CSMD1: variants seen among roughly 807,000 people sequenced by gnomAD.
CSMD1 encodes CUB and sushi domain-containing protein 1.
A neutral mutation model predicts 417.5 loss-of-function variants in CSMD1; 213 were observed. That is an observed-to-expected ratio of 0.51 (90% CI 0.46 to 0.57). The LOEUF (loss-of-function observed/expected upper bound fraction) is 0.57, where lower values mean the gene tolerates loss of function less well. Among genes scored for constraint, CSMD1 ranks in the 20% least tolerant of loss-of-function variants. The pLI is 0.00. For synonymous variants in CSMD1, 2,862 were observed against 1,736.8 expected, an observed-to-expected ratio of 1.65 and a Z score of -16.11; for missense variants, 6,923 against 4,529.7, an observed-to-expected ratio of 1.53 and a Z score of -15.17.
intron 2 of CSMD1, among the ~76,000 whole-genome samples, chr8:4,632,138 G>A (rs549642568): frequency 6.6e-6 from 1 of 152,326 alleles, no homozygotes; most frequent in African/African-American, 2.4e-5. Context: ...TTAGGAGAGA[G>A]TTACATTAAG....
At chr8:4,594,889 A>C (rs1800173984) in intron 2 of CSMD1, among the ~76,000 whole-genome samples, 1 of 152,150 alleles carries the variant, frequency 6.6e-6, no homozygotes, top group Non-Finnish European at 1.5e-5. Flanking sequence ...TGACTCTGTA[A>C]AAGGAATGTG....
chr8:4,346,537 A>G (rs1016238016), intron 3 of CSMD1, among the ~76,000 whole-genome samples: 2 of 152,130 alleles, frequency 1.3e-5, no homozygotes, highest in South Asian at 4.1e-4. Flanking sequence ...CAGTTACAGA[A>G]AACTTTCAGT....
intron 3 of CSMD1, among the ~76,000 whole-genome samples, chr8:4,154,440 A>C (rs1424385455): frequency 6.6e-6 from 1 of 152,178 alleles, no homozygotes; most frequent in Non-Finnish European, 1.5e-5. Flanking sequence ...TATTGCCTCA[A>C]AGAGCTGAAA....
chr8:3,252,114 G>T (rs914934001), intron 26 of CSMD1, among the ~76,000 whole-genome samples: 1 of 152,220 alleles, frequency 6.6e-6, no homozygotes, highest in Non-Finnish European at 1.5e-5. Flanking sequence ...TAGTAGTGGT[G>T]AGAGAGCGCA....
At chr8:3,272,415 C>T (rs1801935715) in intron 26 of CSMD1, among the ~76,000 whole-genome samples, 1 of 151,022 alleles carries the variant, frequency 6.6e-6, no homozygotes, top group Admixed American at 6.6e-5. Flanking sequence ...GCAATGTGGG[C>T]TCCTTTTTGG....
At chr8:4,194,846 C>T (rs988749195) in intron 3 of CSMD1, among the ~76,000 whole-genome samples, 11 of 152,006 alleles carry the variant, frequency 7.2e-5, no homozygotes, top group African/African-American at 2.4e-4. Flanking sequence ...GTTTCAGGAT[C>T]TCCCACTGTA....
intron 11 of CSMD1, among the ~76,000 whole-genome samples, chr8:3,493,262 G>T (rs7845366): frequency 7.1e-6 from 1 of 140,978 alleles, no homozygotes; most frequent in Admixed American, 7.4e-5. Flanking sequence ...CCACTGCACT[G>T]CAGCCTGGGT....
intron 21 of CSMD1, among the ~76,000 whole-genome samples, chr8:3,354,857 CTATA>C (rs1289490649): frequency 3.9e-4 from 23 of 58,324 alleles, no homozygotes; most frequent in African/African-American, 1.4e-3. Context: ...AACCCTCTCC[CTATA>C]TATAGATATA....
At chr8:4,458,933 G>A (rs967576648) in intron 2 of CSMD1, among the ~76,000 whole-genome samples, 4 of 152,210 alleles carry the variant, frequency 2.6e-5, no homozygotes, top group African/African-American at 7.2e-5. Flanking sequence ...TTCTGGAAGT[G>A]CATTAAGCTT....
At chr8:3,717,475 G>A (rs1160845945) in intron 6 of CSMD1, among the ~76,000 whole-genome samples, 1 of 152,040 alleles carries the variant, frequency 6.6e-6, no homozygotes, top group Admixed American at 6.5e-5. Flanking sequence ...AGATATTGTT[G>A]TAGGACGTTC....
chr8:3,933,831 A>G (rs1181193797), intron 5 of CSMD1, among the ~76,000 whole-genome samples: 7 of 152,192 alleles, frequency 4.6e-5, no homozygotes, highest in Non-Finnish European at 1.0e-4. Flanking sequence ...TTAGTCCAAC[A>G]TGGACATACT....
chr8:4,833,203 T>C (rs948828654), intron 1 of CSMD1, among the ~76,000 whole-genome samples: 2 of 152,198 alleles, frequency 1.3e-5, no homozygotes, highest in Non-Finnish European at 1.5e-5. Flanking sequence ...CTGGGTAATT[T>C]ATAAAGAAAA....
At chr8:4,716,826 G>C (rs933336427) in intron 1 of CSMD1, among the ~76,000 whole-genome samples, 2 of 152,012 alleles carry the variant, frequency 1.3e-5, no homozygotes, top group Non-Finnish European at 2.9e-5. Context: ...ACATCTCTTA[G>C]CAACTAATGA....
intron 7 of CSMD1, among the ~76,000 whole-genome samples, chr8:3,699,102 T>C (rs115460324): frequency 0.014 from 2,062 of 152,328 alleles, 44 homozygotes; most frequent in African/African-American, 0.047. Context: ...ATGACCTTCC[T>C]AAAAGCAAGC....
At chr8:4,933,404 G>A (rs978993953) in intron 1 of CSMD1, among the ~76,000 whole-genome samples, 2 of 152,070 alleles carry the variant, frequency 1.3e-5, no homozygotes, top group Non-Finnish European at 2.9e-5. Context: ...ACCTTATGGG[G>A]AAAAAAGTCA....
At chr8:4,072,413 C>T (rs1439864690) in intron 3 of CSMD1, among the ~76,000 whole-genome samples, 2 of 152,148 alleles carry the variant, frequency 1.3e-5, no homozygotes, top group Non-Finnish European at 2.9e-5. Context: ...AAGCATTTTA[C>T]ACCATTATAT....
intron 18 of CSMD1, among the ~76,000 whole-genome samples, chr8:3,379,266 A>T (rs1214085032): frequency 6.6e-6 from 1 of 152,200 alleles, no homozygotes; most frequent in African/African-American, 2.4e-5. Context: ...ACAAATAAAA[A>T]AACATTCCAT....
intron 5 of CSMD1, among the ~76,000 whole-genome samples, chr8:3,913,781 G>T (rs147181495): frequency 4.6e-5 from 7 of 152,132 alleles, no homozygotes; most frequent in South Asian, 2.1e-4. Context: ...TAAACAACTT[G>T]TATCTTAATG....
intron 2 of CSMD1, among the ~76,000 whole-genome samples, chr8:4,520,778 T>C (rs990990876): frequency 7.2e-5 from 11 of 152,216 alleles, no homozygotes; most frequent in African/African-American, 2.7e-4. Flanking sequence ...TAAATATAGA[T>C]TATTGCAATG....
Sources: gnomAD v4.1 joint callset for allele counts (sites outside exome capture counted in the v4.1 genomes callset) on GRCh38, gnomAD v4.1.1 for gene constraint, MANE v1.5 for transcripts, NCBI Gene and HGNC (gene_info 2026-07-23, HGNC 2026-07-21) for gene names.